The following MKLN1 variants were observed in gnomAD, a reference collection of about 807,000 sequenced individuals.
MKLN1 encodes the protein muskelin.
MKLN1 carries 18 observed loss-of-function variants against 99.0 expected under a neutral mutation model. The ratio of observed to expected loss-of-function variants is 0.18; its 90% CI spans 0.13 to 0.27. The LOEUF (loss-of-function observed/expected upper bound fraction) is 0.27, where lower values mean the gene tolerates loss of function less well. MKLN1 is among the 10% of genes least tolerant of loss of function. MKLN1 has a pLI of 1.00. For missense variants in MKLN1, 621 were observed against 875.9 expected, an observed-to-expected ratio of 0.71 and a Z score of 3.67; for synonymous variants, 288 against 293.2, an observed-to-expected ratio of 0.98 and a Z score of 0.18.
At position 131,478,614 on chromosome 7, in the gene MKLN1, TTTA is replaced by T; in HGVS notation, c.2032-8_2032-6del. ...CTGCTTCTTTTTTTTTTTTTTTTTT[TTTA>T]AACAGTTTCAGCTCCTGGCATCAGC... On this transcript the variant is annotated splice_region_variant and splice_polypyrimidine_tract_variant and intron_variant, in intron 16 of 17. Coordinates refer to ENST00000352689, the MANE Select transcript of MKLN1 (RefSeq NM_013255.5). 2 of 1,422,324 alleles carry T rather than the reference TTTA, an allele frequency of 1.4e-6. No individual in the cohort carries two copies. The highest frequency in any genetic ancestry group is 1.8e-6 in the Non-Finnish European group (2 of 1,092,222). 88.1% of individuals were successfully genotyped at this position (1,422,324 alleles called of 1,614,324 possible).
At chr7:131,128,948 A>G (rs1176901087) in intron 1 of MKLN1, among the ~76,000 whole-genome samples, 3 of 141,878 alleles carry the variant, frequency 2.1e-5, no homozygotes, top group African/African-American at 5.3e-5. Context: ...TCTGTTGCCC[A>G]AGCTAGAGAT....
intron 3 of MKLN1, among the ~76,000 whole-genome samples, chr7:131,244,481 C>A (rs968108409): frequency 6.6e-6 from 1 of 152,142 alleles, no homozygotes; most frequent in African/African-American, 2.4e-5. Flanking sequence ...CCGTGACTCA[C>A]CTCACTCATT....
chr7:131,361,561 G>C (rs1800028616), intron 1 of MKLN1, among the ~76,000 whole-genome samples: 1 of 148,802 alleles, frequency 6.7e-6, no homozygotes, highest in Admixed American at 6.7e-5. Context: ...TATTTAGCAT[G>C]CATTCCAGTT....
At chr7:131,169,744 G>C (rs1796189494) in intron 2 of MKLN1, among the ~76,000 whole-genome samples, 1 of 152,150 alleles carries the variant, frequency 6.6e-6, no homozygotes, top group Non-Finnish European at 1.5e-5. Flanking sequence ...CACAAGAAGA[G>C]ATTTTTCCAT....
At chr7:131,270,464 A>C (rs1490947027) in intron 3 of MKLN1, among the ~76,000 whole-genome samples, 1 of 152,106 alleles carries the variant, frequency 6.6e-6, no homozygotes, top group Non-Finnish European at 1.5e-5. Flanking sequence ...CAGGTCATCC[A>C]CCCGGCTTGG....
chr7:131,173,322 T>C (rs1398977381), intron 2 of MKLN1, among the ~76,000 whole-genome samples: 2 of 152,176 alleles, frequency 1.3e-5, no homozygotes, highest in African/African-American at 4.8e-5. Context: ...TTCTGACTCA[T>C]GTGAAATGAT....
At chr7:131,138,087 A>G (rs1795678799) in intron 1 of MKLN1, among the ~76,000 whole-genome samples, 1 of 151,752 alleles carries the variant, frequency 6.6e-6, no homozygotes, top group Non-Finnish European at 1.5e-5. Context: ...CACCACGCCC[A>G]GCTAATTTTG....
intron 1 of MKLN1, among the ~76,000 whole-genome samples, chr7:131,346,502 C>G (rs1394712923): frequency 6.9e-6 from 1 of 144,444 alleles, no homozygotes; most frequent in Non-Finnish European, 1.5e-5. Context: ...AGCCTAGTGA[C>G]AGAGCGAGAC....
intron 8 of MKLN1, among the ~76,000 whole-genome samples, chr7:131,416,525 C>CTTT (rs71529704): frequency 1.1e-4 from 16 of 144,484 alleles, no homozygotes; most frequent in African/African-American, 3.6e-4. Context: ...ATTTTTCTTT[C>CTTT]TTTTTTTTTT....
rs531295348 is a variant in MKLN1, at chr7:131,387,388, C to A, written c.311+126C>A. On this transcript the variant is annotated intron_variant, in intron 3 of 17. Transcript: ENST00000352689. ...AAAAGAGTATTCCTTCTATTCTATC[C>A]CTAATGCCTTAGTTTAATACTGTGG... The A allele has an allele frequency of 3.3e-5, 25 of 766,338 alleles. No individual in the cohort carries two copies. In the South Asian group the frequency reaches 6.0e-4, roughly 18 times the overall value. 47.5% of individuals were successfully genotyped at this position (766,338 alleles called of 1,614,324 possible). A position where few individuals can be genotyped will look rare whatever the true frequency, so the allele number is the denominator to read the frequency against.
intron 6 of MKLN1, among the ~76,000 whole-genome samples, chr7:131,405,723 G>A (rs964637996): frequency 6.6e-6 from 1 of 151,992 alleles, no homozygotes; most frequent in East Asian, 1.9e-4. Flanking sequence ...AATTTGTGGC[G>A]ATTTACTACT....
At chr7:131,199,161 C>T (rs1796690004) in intron 2 of MKLN1, among the ~76,000 whole-genome samples, 1 of 151,358 alleles carries the variant, frequency 6.6e-6, no homozygotes, top group South Asian at 2.1e-4. Flanking sequence ...CCCAAGGAAA[C>T]ATATCTTATG....
intron 3 of MKLN1, among the ~76,000 whole-genome samples, chr7:131,318,548 G>A (rs1174703222): frequency 6.6e-6 from 1 of 152,134 alleles, no homozygotes; most frequent in Non-Finnish European, 1.5e-5. Flanking sequence ...AAAAGAACTA[G>A]AGAAGCAAGA....
chr7:131,455,113 T>C (rs1796295140), intron 12 of MKLN1, among the ~76,000 whole-genome samples: 1 of 152,258 alleles, frequency 6.6e-6, no homozygotes, highest in Admixed American at 6.5e-5. Context: ...AAACTGTTCT[T>C]TTCCTTTGTC....
intron 16 of MKLN1, among the ~76,000 whole-genome samples, chr7:131,477,587 G>A (rs148252914): frequency 1.6e-4 from 25 of 152,228 alleles, no homozygotes; most frequent in African/African-American, 6.0e-4. Context: ...TACCCAGAAT[G>A]TATAAAGAAC....
chr7:131,133,725 G>T (rs895551092), intron 1 of MKLN1, among the ~76,000 whole-genome samples: 1 of 147,678 alleles, frequency 6.8e-6, no homozygotes, highest in Admixed American at 6.8e-5. Context: ...GGGCTCCAGT[G>T]ATCCTCTTGC....
At chr7:131,388,035 C>T (rs116027049) in intron 3 of MKLN1, among the ~76,000 whole-genome samples, 1,983 of 152,146 alleles carry the variant, frequency 0.013, 47 homozygotes, top group African/African-American at 0.045. Context: ...GACATGGTAG[C>T]GGACGACTGT....
At chr7:131,429,275 T>G in intron 9 of MKLN1, 130 bp downstream of exon 9, 1 of 567,672 alleles carries the variant, frequency 1.8e-6, no homozygotes, top group Non-Finnish European at 3.0e-6. Flanking sequence ...GGTAAACAAG[T>G]TTTTTTTAAG....
intron 6 of MKLN1, among the ~76,000 whole-genome samples, chr7:131,408,826 G>A (rs1406168763): frequency 6.6e-6 from 1 of 152,084 alleles, no homozygotes; most frequent in Non-Finnish European, 1.5e-5. Flanking sequence ...GCTCAGTGAG[G>A]ACTGTATGAA....
Sources: allele counts gnomAD v4.1 joint callset (sites outside exome capture counted in the v4.1 genomes callset), GRCh38; gene constraint gnomAD v4.1.1; transcripts MANE v1.5; gene names NCBI Gene and HGNC (gene_info 2026-07-23, HGNC 2026-07-21).